TTYH1: variants seen among roughly 807,000 people sequenced by gnomAD.
TTYH1 encodes tweety family member 1.
In TTYH1, 33 loss-of-function variants were observed where a neutral mutation model predicts 61.2. That is an observed-to-expected ratio of 0.54 (90% confidence interval 0.41 to 0.72). The LOEUF (loss-of-function observed/expected upper bound fraction) is 0.72, where lower values mean the gene tolerates loss of function less well. TTYH1 is among the 30% of genes least tolerant of loss of function. The pLI, the probability that TTYH1 is intolerant of heterozygous loss-of-function variation, is 0.00. For synonymous variants in TTYH1, 308 were observed against 266.4 expected (o/e 1.16, Z -1.52); for missense variants, 538 against 575.8 (o/e 0.93, Z 0.67).
chr19:54,422,500 G>A (rs545499737), intron 4 of TTYH1, 90 bp downstream of exon 4: 5 of 1,182,422 alleles, frequency 4.2e-6, no homozygotes, highest in Non-Finnish European at 5.9e-6. Flanking sequence ...GGCAGTTTTG[G>A]TTGTGACAGC....
chr19:54,415,934 G>C lies in TTYH1; in HGVS notation c.126+256G>C. 1 of 927,416 alleles carries C rather than the reference G, an allele frequency of 1.1e-6. No homozygotes were observed. The highest frequency in any genetic ancestry group is 3.6e-5 in the East Asian group (1 of 28,110). The allele number at this position is 927,416 out of a possible 1,614,324, so 57.4% of individuals were successfully genotyped here. A position where few individuals can be genotyped will look rare whatever the true frequency, so the allele number is the denominator to read the frequency against. On this transcript the variant is annotated intron_variant, in intron 1 of 13. Coordinates refer to ENST00000376530, the MANE Select transcript of TTYH1 (RefSeq NM_020659.4). This position sits in a 1 kb window ranked among gnomAD's most constrained non-coding sequence, Gnocchi z 5.2. ...GGGGACCTGCACCCCTGAGTTCATG[G>C]AGAGGAGGGGAGGGGGGCCCGGATT...
chr19:54,415,651 C>T lies in TTYH1; in HGVS notation c.99C>T (p.Phe33=). ...AGCTCCGCCCGGTGCCCAGCGTTTT[C>T]GCGCCCCAAGAGCAGGAATACCAGC... ...DFQLRPVPSV[F]APQEQEYQQA... Residue 33 remains phenylalanine (F), a synonymous_variant, in exon 1 of 14, where the codon TTC becomes TTT. Coordinates refer to ENST00000376530, the MANE Select transcript of TTYH1 (RefSeq NM_020659.4). The surrounding 1 kb of genome is among the most constrained non-coding windows in gnomAD (Gnocchi z 5.2). 1 of 1,565,262 alleles carries T rather than the reference C, an allele frequency of 6.4e-7. No homozygotes were observed. The highest frequency in any genetic ancestry group is 8.6e-7 in the Non-Finnish European group (1 of 1,163,266).
chr19:54,419,027 T>A lies in TTYH1; in HGVS notation c.127-101T>A. On this transcript the variant is annotated intron_variant, in intron 1 of 13. Coordinates refer to ENST00000376530, the MANE Select transcript of TTYH1 (RefSeq NM_020659.4). This position sits in a 1 kb window ranked among gnomAD's most constrained non-coding sequence, Gnocchi z 6.1. ...GGCCAGGGATGTCTCCCACCTTCAC[T>A]CTGACATCCCAGACCCCGACCCCCC... is the stretch of plus-strand genomic sequence containing the variant. The A allele has an allele frequency of 8.3e-7, 1 of 1,211,386 alleles. No individual in the cohort carries two copies. The highest frequency in any genetic ancestry group is 1.5e-5 in the South Asian group (1 of 68,262). The allele number at this position is 1,211,386 out of a possible 1,614,324, so 75.0% of individuals were successfully genotyped here. A position where few individuals can be genotyped will look rare whatever the true frequency, so the allele number is the denominator to read the frequency against.
In TTYH1 at chr19:54,429,353, A is replaced by G. The variant is rs749358960; in HGVS notation, c.781A>G (p.Met261Val). ...LLVLVLSWGS[M>V]GLEAATAVGL... ...GGTTCTCGTCCTGAGCTGGGGCTCC[A>G]TGGGCCTGGAGGCAGCCACGGCCGT... The change falls in exon 6 of 14, where the codon ATG (methionine) becomes GTG (valine). Residue 261 changes from methionine (M) to valine (V), a missense_variant. This residue lies in a region of TTYH1 where 378 missense variants were observed against 401.2 expected (regional missense o/e 0.94). Transcript: ENST00000376530. This position sits in a 1 kb window ranked among gnomAD's most constrained non-coding sequence, Gnocchi z 5.1. The G allele has an allele frequency of 1.2e-6, 2 of 1,613,980 alleles. No homozygotes were observed. Among genetic ancestry groups the G allele is most frequent in the Non-Finnish European group, 1.7e-6 (2 of 1,179,998 alleles).
In TTYH1 at chr19:54,436,505, GGGCT is replaced by G; in HGVS notation, c.*219_*222del. On this transcript the variant is annotated 3_prime_UTR_variant, in exon 14 of 14. Coordinates refer to ENST00000376530, the MANE Select transcript of TTYH1 (RefSeq NM_020659.4). The surrounding 1 kb of genome is among the most constrained non-coding windows in gnomAD (Gnocchi z 4.3). ...AGCTGAGGGGGCAGACTAGGGAGTA[GGGCT>G]GGCAGGGGAGGGGGCAGACAGCCTC... is the stretch of plus-strand genomic sequence containing the variant. 1 of 953,406 alleles carries G rather than the reference GGGCT, an allele frequency of 1.0e-6. No homozygotes were observed. 59.1% of individuals were successfully genotyped at this position (953,406 alleles called of 1,614,324 possible).
At chr19:54,425,682 G>T (rs1445811801) in intron 4 of TTYH1, among the ~76,000 whole-genome samples, 2 of 150,712 alleles carry the variant, frequency 1.3e-5, no homozygotes, top group Non-Finnish European at 2.9e-5. Flanking sequence ...AATCATGGTG[G>T]TGGGCCCTTC....
chr19:54,435,326 G>A (rs1164745697), intron 10 of TTYH1, among the ~76,000 whole-genome samples: 1 of 152,062 alleles, frequency 6.6e-6, no homozygotes, highest in Non-Finnish European at 1.5e-5. Context: ...CTGGAGGCTG[G>A]GCAATTAATT....
At chr19:54,428,934 A>G (rs2083381269) in intron 5 of TTYH1, among the ~76,000 whole-genome samples, 1 of 152,140 alleles carries the variant, frequency 6.6e-6, no homozygotes, top group Non-Finnish European at 1.5e-5. Flanking sequence ...TCCCATTCTC[A>G]GAGGAGACAG....
rs1217654766 is a variant in TTYH1 at position 54,416,298 on chromosome 19, A to T, written c.126+620A>T. The T allele has an allele frequency of 3.6e-6, 1 of 280,116 alleles. No individual in the cohort carries two copies. The highest frequency in any genetic ancestry group is 7.4e-6 in the Non-Finnish European group (1 of 134,852). 17.4% of individuals were successfully genotyped at this position (280,116 alleles called of 1,614,324 possible). A position where few individuals can be genotyped will look rare whatever the true frequency, so the allele number is the denominator to read the frequency against. ...GGGCGCTGCAGGGGTGAGGGCCGAG[A>T]TGAGGCTGGGTTTGGGGAGCCTCGG... On this transcript the variant is annotated intron_variant, in intron 1 of 13. Coordinates refer to ENST00000376530, the MANE Select transcript of TTYH1 (RefSeq NM_020659.4). The surrounding 1 kb of genome is among the most constrained non-coding windows in gnomAD (Gnocchi z 7.0).
At chr19:54,425,371 G>C (rs555035580) in intron 4 of TTYH1, among the ~76,000 whole-genome samples, 14 of 152,334 alleles carry the variant, frequency 9.2e-5, no homozygotes, top group African/African-American at 3.4e-4. Flanking sequence ...CAACGGGAGG[G>C]GACCCAAAGT....
Position 54,429,406 on chromosome 19 carries a change from C to A in TTYH1, c.807+27C>A. On this transcript the variant is annotated intron_variant, in intron 6 of 13. Coordinates refer to ENST00000376530, the MANE Select transcript of TTYH1 (RefSeq NM_020659.4). This position sits in a 1 kb window ranked among gnomAD's most constrained non-coding sequence, Gnocchi z 5.1. ...TGAGTGCCAGGGCCGGGCCATTGGG[C>A]TCTGGGACTCAGGGGGCCTGGAGAC... is the stretch of plus-strand genomic sequence containing the variant. 1 of 1,607,868 alleles carries A rather than the reference C, an allele frequency of 6.2e-7. No individual in the cohort carries two copies. The highest frequency in any genetic ancestry group is 1.1e-5 in the South Asian group (1 of 90,974).
At chr19:54,427,621 A>AAC (rs67487345) in intron 5 of TTYH1, among the ~76,000 whole-genome samples, 50,409 of 108,218 alleles carry the variant, frequency 0.47, 8,987 homozygotes, top group East Asian at 0.61. Flanking sequence ...ACAACAACAA[A>AAC]AAAAAAAAAC....
At chr19:54,428,778 T>C (rs2083378877) in intron 5 of TTYH1, among the ~76,000 whole-genome samples, 1 of 152,056 alleles carries the variant, frequency 6.6e-6, no homozygotes, top group Non-Finnish European at 1.5e-5. Flanking sequence ...ACAGGGCAGG[T>C]CTGGGACTGG....
intron 7 of TTYH1, 50 bp downstream of exon 7, chr19:54,430,007 T>C: frequency 6.5e-7 from 1 of 1,533,276 alleles, no homozygotes; most frequent in Non-Finnish European, 9.0e-7. Context: ...GTGCAGGCCC[T>C]GGCTTCCTCA....
chr19:54,421,247 T>G lies in TTYH1; in HGVS notation c.306-30T>G. The G allele has an allele frequency of 1.5e-4, 228 of 1,507,076 alleles. No homozygotes were observed. Among genetic ancestry groups the G allele is most frequent in the Middle Eastern group, 6.8e-4 (4 of 5,848 alleles). 93.4% of individuals were successfully genotyped at this position (1,507,076 alleles called of 1,614,324 possible). On this transcript the variant is annotated intron_variant, in intron 2 of 13. Transcript: ENST00000376530. The surrounding 1 kb of genome is among the most constrained non-coding windows in gnomAD (Gnocchi z 4.8). ...TGGCCCCCGGGGTCCTGGGACCCGC[T>G]GAGATTCCTCTCCCTCCTCCTCCGC...
rs2083171343 is a variant in TTYH1, at chr19:54,419,877, G to A, written c.305+571G>A. ...TCGTGCAGCTTATGTTCTAATCAGG[G>A]AGACGGACGATAAATAGATATAATC... On this transcript the variant is annotated intron_variant, in intron 2 of 13. Transcript: ENST00000376530. The surrounding 1 kb of genome is among the most constrained non-coding windows in gnomAD (Gnocchi z 6.1). Among the ~76,000 whole-genome samples the A allele has an allele frequency of 6.6e-6, 1 of 152,136 alleles. No individual in the cohort carries two copies. Among genetic ancestry groups the A allele is most frequent in the Non-Finnish European group, 1.5e-5 (1 of 68,038 alleles).
Position 54,419,335 on chromosome 19 carries a change from T to C in TTYH1, c.305+29T>C, listed in dbSNP as rs2083159581. On this transcript the variant is annotated intron_variant, in intron 2 of 13. Transcript: ENST00000376530. The surrounding 1 kb of genome is among the most constrained non-coding windows in gnomAD (Gnocchi z 6.1). ...ATGGGGCCCCAGGGTGGGTGGGCGGTGGGGACAGGGCTCCCCAAGCTCTTT... is the reference window on the plus strand; with the variant it reads ...ATGGGGCCCCAGGGTGGGTGGGCGGCGGGGACAGGGCTCCCCAAGCTCTTT... 3 of 1,471,586 alleles carry C rather than the reference T, an allele frequency of 2.0e-6. No homozygotes were observed. The Admixed American group carries it at 5.3e-5, about 26-fold the overall frequency. 91.2% of individuals were successfully genotyped at this position (1,471,586 alleles called of 1,614,324 possible).
rs936102163 is a variant in TTYH1 at position 54,420,411 on chromosome 19, C to A, written c.306-866C>A. ...GGCCCCAGCCCCCGCAGCCTGGGAA[C>A]AAGAGGAGCTTTGTAGGACTCTGAA... On this transcript the variant is annotated intron_variant, in intron 2 of 13. Transcript: ENST00000376530. This position sits in a 1 kb window ranked among gnomAD's most constrained non-coding sequence, Gnocchi z 4.8. 6.6e-6 allele frequency among the ~76,000 whole-genome samples: 1 copy of A among 152,138 alleles called. No homozygotes were observed. The highest frequency in any genetic ancestry group is 1.5e-5 in the Non-Finnish European group (1 of 68,018).
chr19:54,416,565 G>T lies in TTYH1; in HGVS notation c.126+887G>T. ...GGACGGGTCCTGGCCCTGCTGATGGGGCCTGAGCCCCTGGGCTCCGTCTTG... is the reference window on the plus strand; with the variant it reads ...GGACGGGTCCTGGCCCTGCTGATGGTGCCTGAGCCCCTGGGCTCCGTCTTG... On this transcript the variant is annotated intron_variant, in intron 1 of 13. Transcript: ENST00000376530. This position sits in a 1 kb window ranked among gnomAD's most constrained non-coding sequence, Gnocchi z 7.0. 2.8e-6 allele frequency: 1 copy of T among 363,054 alleles called. No individual in the cohort carries two copies. The highest frequency in any genetic ancestry group is 9.8e-5 in the East Asian group (1 of 10,208). 22.5% of individuals were successfully genotyped at this position (363,054 alleles called of 1,614,324 possible). A position where few individuals can be genotyped will look rare whatever the true frequency, so the allele number is the denominator to read the frequency against.
Sources: gnomAD v4.1 joint callset for allele counts (sites outside exome capture counted in the v4.1 genomes callset) on GRCh38, gnomAD v4.1.1 for gene constraint, gnomAD v4.1.1 regional missense constraint, Gnocchi (gnomAD v3.1) non-coding constraint, MANE v1.5 for transcripts, NCBI Gene and HGNC (gene_info 2026-07-23, HGNC 2026-07-21) for gene names.